Variants in ACSF2 observed in about 807,000 individuals in gnomAD.
ACSF2 encodes acyl-CoA synthetase family member 2.
A neutral mutation model predicts 79.3 loss-of-function variants in ACSF2; 52 were observed. That is an observed-to-expected ratio of 0.66 (90% CI 0.53 to 0.83). The LOEUF (loss-of-function observed/expected upper bound fraction) is 0.83, where lower values mean the gene tolerates loss of function less well. ACSF2 is among the 40% of genes least tolerant of loss of function. The pLI, the probability that ACSF2 is intolerant of heterozygous loss-of-function variation, is 0.00. For missense variants in ACSF2, 661 were observed against 803.3 expected (o/e 0.82, Z 2.14); for synonymous variants, 283 against 312.6 (o/e 0.91, Z 1.00).
At chr17:50,456,382 A>G (rs2143669699) in intron 1 of ACSF2, among the ~76,000 whole-genome samples, 1 of 152,330 alleles carries the variant, frequency 6.6e-6, no homozygotes, top group East Asian at 1.9e-4. Context: ...CCAAGCAGAC[A>G]GGTGACCTGC....
At chr17:50,441,881 C>T (rs2030943838) in intron 1 of ACSF2, among the ~76,000 whole-genome samples, 1 of 152,078 alleles carries the variant, frequency 6.6e-6, no homozygotes, top group African/African-American at 2.4e-5. Flanking sequence ...TACTCTGTCT[C>T]CCAGGCTGGA....
intron 10 of ACSF2, chr17:50,467,740 C>T: frequency 3.1e-6 from 1 of 321,092 alleles, no homozygotes; most frequent in Non-Finnish European, 5.7e-6. Flanking sequence ...CTGCTGCTCA[C>T]AGTTGGGGGT....
intron 1 of ACSF2, among the ~76,000 whole-genome samples, chr17:50,436,549 T>G (rs2030440299): frequency 6.6e-6 from 1 of 152,162 alleles, no homozygotes; most frequent in Admixed American, 6.5e-5. Flanking sequence ...TTTTCCTGCC[T>G]CAGCCTCCCG....
chr17:50,462,847 G>A lies in ACSF2; in HGVS notation c.792+262G>A, dbSNP rs925711647. On this transcript the variant is annotated intron_variant, in intron 6 of 15. Transcript: ENST00000300441. ...CACTGAACCAACACAGGTTGGAACT[G>A]CTACAGGCTGCCCCTCATTTAGCTG... 3.9e-5 allele frequency: 23 copies of A among 582,616 alleles called. No homozygotes were observed. The East Asian group carries it at 6.6e-4, about 17-fold the overall frequency. The allele number at this position is 582,616 out of a possible 1,614,324, so 36.1% of individuals were successfully genotyped here.
chr17:50,460,884 C>A lies in ACSF2; in HGVS notation c.324+12C>A, dbSNP rs762514280. 6.2e-7 allele frequency: 1 copy of A among 1,602,020 alleles called. No individual in the cohort carries two copies. The highest frequency in any genetic ancestry group is 2.3e-5 in the East Asian group (1 of 44,386). ...AACTCAAGGAGGAGGTGGGTCCTGA[C>A]CTGGAAACCTCAAAGTGGGCAAGTA... On this transcript the variant is annotated intron_variant, in intron 2 of 15. Transcript: ENST00000300441.
chr17:50,452,810 GT>G (rs1367682446), intron 1 of ACSF2, among the ~76,000 whole-genome samples: 7 of 152,234 alleles, frequency 4.6e-5, no homozygotes, highest in African/African-American at 1.7e-4. Context: ...TGGGTCCTAT[GT>G]TTATGAGCAC....
At chr17:50,439,711 C>T (rs891176600) in intron 1 of ACSF2, among the ~76,000 whole-genome samples, 12 of 152,084 alleles carry the variant, frequency 7.9e-5, no homozygotes, top group Admixed American at 6.6e-4. Flanking sequence ...CTCAGTGGCA[C>T]GACCCTGTAG....
chr17:50,462,198 C>G lies in ACSF2; in HGVS notation c.522C>G (p.Ala174=). ...CCCTTCCACAGGTGGGCTGCAAGGC[C>G]CTTGTGTTCCCCAAGCAATTCAAGA... ...EYVLKKVGCK[A]LVFPKQFKTQ... Residue 174 remains alanine, a synonymous_variant, in exon 5 of 16, where the codon GCC becomes GCG. Transcript: ENST00000300441. 6.2e-7 allele frequency: 1 copy of G among 1,613,870 alleles called. No homozygotes were observed. The highest frequency in any genetic ancestry group is 8.5e-7 in the Non-Finnish European group (1 of 1,179,952).
intron 1 of ACSF2, among the ~76,000 whole-genome samples, chr17:50,442,384 A>G (rs1253865759): frequency 3.3e-5 from 5 of 151,306 alleles, no homozygotes; most frequent in African/African-American, 1.2e-4. Context: ...GCTGATCTCA[A>G]ACTCCTGGAA....
chr17:50,426,924 G>C, intron 1 of ACSF2: 1 of 1,535,772 alleles, frequency 6.5e-7, no homozygotes, highest in Non-Finnish European at 8.7e-7. Flanking sequence ...TGGGATGGAA[G>C]CTGGCAGGCA....
intron 11 of ACSF2, 128 bp from the exon 12 acceptor site, chr17:50,472,300 C>T (rs2033157182): frequency 8.8e-7 from 1 of 1,130,102 alleles, no homozygotes; most frequent in Non-Finnish European, 1.2e-6. Context: ...ATAAGCAGAG[C>T]CAGGGGGCCT....
chr17:50,446,343 C>T lies in ACSF2; in HGVS notation c.129-14334C>T, dbSNP rs149163003. 3.6e-3 allele frequency among the ~76,000 whole-genome samples: 548 copies of T among 152,050 alleles called. 2 individuals are homozygous for T. The highest frequency in any genetic ancestry group is 0.013 in the African/African-American group (530 of 41,470). ...GGCAATCTTGGCTCACTGCAATCTC[C>T]GCCTCCCAGATTCAAGCGATTCTCC... is the stretch of plus-strand genomic sequence containing the variant. On this transcript the variant is annotated intron_variant, in intron 1 of 15. Transcript: ENST00000300441.
At chr17:50,468,729 A>G in intron 10 of ACSF2, 1 of 1,610,604 alleles carries the variant, frequency 6.2e-7, no homozygotes, top group Non-Finnish European at 8.5e-7. Context: ...TCGCTGTGGC[A>G]GTGGCAGTTC....
Position 50,466,830 on chromosome 17 carries a change from A to G in ACSF2, c.1215+2536A>G, listed in dbSNP as rs374654824. Among the ~76,000 whole-genome samples the G allele has an allele frequency of 4.7e-3, 712 of 152,196 alleles. 4 individuals are homozygous for G. The highest frequency in any genetic ancestry group is 0.017 in the African/African-American group (697 of 41,510). ...CCTCCCCTGCCCCAAACCAGCCCCT[A>G]ATTCGCTGCTCTGCTGCCCACTGAA... is the stretch of plus-strand genomic sequence containing the variant. On this transcript the variant is annotated intron_variant, in intron 10 of 15. Transcript: ENST00000300441.
rs1195801657 is a variant in ACSF2 at position 50,468,327 on chromosome 17, G to A, written c.1216-2701G>A. On this transcript the variant is annotated intron_variant, in intron 10 of 15. Transcript: ENST00000300441. ...TTGGCTCCCTGGAAGGCGCCTGCGC[G>A]CAGCTCACGGATCTTGTTGTTGTTG... 17 of 1,614,016 alleles carry A rather than the reference G, an allele frequency of 1.1e-5. No individual in the cohort carries two copies. The Admixed American group carries it at 2.0e-4, about 19-fold the overall frequency.
chr17:50,465,071 T>A, intron 10 of ACSF2: 1 of 575,140 alleles, frequency 1.7e-6, no homozygotes, highest in South Asian at 2.1e-5. Flanking sequence ...CAAAGATCGA[T>A]GTCAGTACTC....
In ACSF2 at chr17:50,473,719, G is replaced by T. The variant is rs1420927184; in HGVS notation, c.1530G>T (p.Lys510Asn). Residue 510 changes from lysine (K) to asparagine (N), a missense_variant, in exon 13 of 16, where the codon AAG becomes AAT. By Grantham distance (94) the Lys-to-Asn change is moderately conservative (BLOSUM62 0). Coordinates refer to ENST00000300441, the MANE Select transcript of ACSF2 (RefSeq NM_025149.6). ...TCTGCAAGATCGTGGGCCGCTCTAA[G>T]GATATGATCATCCGGGGTGGTGAGA... The part of the protein sequence containing the change: ...QGFCKIVGRS[K>N]DMIIRGGENI... The T allele has an allele frequency of 6.2e-7, 1 of 1,614,234 alleles. No homozygotes were observed. The highest frequency in any genetic ancestry group is 1.1e-5 in the South Asian group (1 of 91,084).
At chr17:50,428,592 GGCCAAC>G (rs1326259031) in intron 1 of ACSF2, among the ~76,000 whole-genome samples, 77 of 152,058 alleles carry the variant, frequency 5.1e-4, no homozygotes, top group Non-Finnish European at 1.1e-3. Context: ...AGATCAGACT[GGCCAAC>G]ATGGAGAAAC....
chr17:50,473,532 G>A (rs2033210279), intron 12 of ACSF2, 133 bp from the exon 13 acceptor site: 1 of 1,273,698 alleles, frequency 7.9e-7, no homozygotes, highest in Non-Finnish European at 1.1e-6. Flanking sequence ...ACTGTGTCTT[G>A]TTCCTGCTAT....
Sources: gnomAD v4.1 joint callset for allele counts (sites outside exome capture counted in the v4.1 genomes callset) on GRCh38, gnomAD v4.1.1 for gene constraint, MANE v1.5 for transcripts, NCBI Gene and HGNC (gene_info 2026-07-23, HGNC 2026-07-21) for gene names.